FOCAD: variants seen among roughly 807,000 people sequenced by gnomAD.
FOCAD encodes KIAA1797.
Under a neutral mutation model 225.6 loss-of-function variants are expected in FOCAD, and 198 were observed. The ratio of observed to expected loss-of-function variants is 0.88; its 90% CI spans 0.78 to 0.99. The LOEUF (loss-of-function observed/expected upper bound fraction) is 0.99. Among genes scored for constraint, FOCAD ranks in the 50% least tolerant of loss-of-function variants. FOCAD has a pLI of 0.00. For missense variants in FOCAD, 2,713 were observed against 2,123.6 expected (o/e 1.28, Z -5.46); for synonymous variants, 897 against 755.0 (o/e 1.19, Z -3.08).
At chr9:20,916,398 C>T (rs1055043577) in intron 23 of FOCAD, among the ~76,000 whole-genome samples, 1 of 152,144 alleles carries the variant, frequency 6.6e-6, no homozygotes, top group Admixed American at 6.5e-5. Flanking sequence ...TCTATAAACA[C>T]ATAGCGACTA....
upstream of FOCAD, among the ~76,000 whole-genome samples, chr9:20,681,581 T>A (rs1822398629): frequency 6.6e-6 from 1 of 152,226 alleles, no homozygotes; most frequent in African/African-American, 2.4e-5. Context: ...TCCTTTCTAG[T>A]TCTAAAAGCC....
chr9:20,893,181 A>G (rs1831776232), intron 21 of FOCAD, among the ~76,000 whole-genome samples: 1 of 152,112 alleles, frequency 6.6e-6, no homozygotes, highest in Non-Finnish European at 1.5e-5. Flanking sequence ...ATGTGCCACC[A>G]TGCCCAGCAG....
intron 21 of FOCAD, among the ~76,000 whole-genome samples, chr9:20,895,699 A>C (rs1832020872): frequency 6.6e-6 from 1 of 151,866 alleles, no homozygotes; most frequent in South Asian, 2.1e-4. Flanking sequence ...ATAGGAAAGC[A>C]ATTGATTTTT....
intron 11 of FOCAD, among the ~76,000 whole-genome samples, chr9:20,817,662 T>C (rs1168991482): frequency 6.6e-6 from 1 of 151,910 alleles, no homozygotes; most frequent in Non-Finnish European, 1.5e-5. Context: ...TTTGTGGCTT[T>C]TTTTTCTCTT....
chr9:20,791,240 C>CACAG (rs1347022187), intron 11 of FOCAD, among the ~76,000 whole-genome samples: 1 of 148,118 alleles, frequency 6.8e-6, no homozygotes, highest in African/African-American at 2.6e-5. Flanking sequence ...CACACACTCA[C>CACAG]ACACACACAC....
intron 35 of FOCAD, among the ~76,000 whole-genome samples, chr9:20,972,252 A>AGGGTTCCATTATTT (rs1839831634): frequency 6.6e-6 from 1 of 152,156 alleles, no homozygotes. Context: ...AGTGTACATT[A>AGGGTTCCATTATTT]GGGTTCCATT....
intron 7 of FOCAD, among the ~76,000 whole-genome samples, chr9:20,768,878 G>T (rs1430990711): frequency 2.6e-5 from 4 of 152,000 alleles, no homozygotes; most frequent in Non-Finnish European, 5.9e-5. Flanking sequence ...AAGACAGAAT[G>T]TTACTTCAAA....
intron 2 of FOCAD, among the ~76,000 whole-genome samples, chr9:20,662,155 C>T (rs985205959): frequency 1.3e-5 from 2 of 151,810 alleles, no homozygotes; most frequent in Non-Finnish European, 2.9e-5. Context: ...TTAAATGTGG[C>T]TGTGTTGCTA....
chr9:20,666,004 C>G (rs924905687), intron 2 of FOCAD, among the ~76,000 whole-genome samples: 1 of 152,110 alleles, frequency 6.6e-6, no homozygotes, highest in African/African-American at 2.4e-5. Flanking sequence ...AAGTGATTCT[C>G]CTGCCTCAGC....
chr9:20,957,368 T>C (rs1838255411), intron 35 of FOCAD: 1 of 152,198 alleles, frequency 6.6e-6, no homozygotes, highest in Non-Finnish European at 1.5e-5. Context: ...ATAATGATCA[T>C]TTTTAAATGA....
chr9:20,924,361 G>A (rs570690058), intron 25 of FOCAD, among the ~76,000 whole-genome samples: 1 of 152,020 alleles, frequency 6.6e-6, no homozygotes. Context: ...AAAAATATAG[G>A]CTTTGGAATA....
rs1247636231 is a variant in FOCAD at position 20,981,788 on chromosome 9, G to GAA, written c.4638+103_4638+104dup. On this transcript the variant is annotated intron_variant, in intron 38 of 43. Coordinates refer to ENST00000338382, the MANE Select transcript of FOCAD (RefSeq NM_001375567.1). ...GTGTATGTTTTAAGAATGTGGGTGG[G>GAA]AAGGCTAGCAAGAAATAACCACATT... is the stretch of plus-strand genomic sequence containing the variant. 6 of 1,289,306 alleles carry GAA rather than the reference G, an allele frequency of 4.7e-6. No homozygotes were observed. The African/African-American group carries it at 8.9e-5, about 19-fold the overall frequency. 79.9% of individuals were successfully genotyped at this position (1,289,306 alleles called of 1,614,324 possible).
chr9:20,774,709 C>G (rs1017367070), intron 8 of FOCAD, among the ~76,000 whole-genome samples: 1 of 152,090 alleles, frequency 6.6e-6, no homozygotes, highest in African/African-American at 2.4e-5. Flanking sequence ...GCTCTTGAAT[C>G]TAATTTTTAA....
chr9:20,981,401 T>A, intron 37 of FOCAD, 25 bp from the exon 38 acceptor site: 5 of 1,610,632 alleles, frequency 3.1e-6, no homozygotes, highest in Non-Finnish European at 4.2e-6. Flanking sequence ...CTATTTACAT[T>A]CAACCCCTTC....
intron 8 of FOCAD, among the ~76,000 whole-genome samples, chr9:20,776,274 G>C (rs1021755531): frequency 6.6e-6 from 1 of 152,162 alleles, no homozygotes; most frequent in African/African-American, 2.4e-5. Context: ...TCTAGAGTGC[G>C]CTATTCTGGG....
At chr9:20,946,528 T>A (rs1207957864) in intron 29 of FOCAD, among the ~76,000 whole-genome samples, 173 bp from the exon 30 acceptor site, 3 of 152,216 alleles carry the variant, frequency 2.0e-5, no homozygotes, top group Non-Finnish European at 4.4e-5. Context: ...ATGACAGTGT[T>A]ATGAAATATT....
At chr9:20,725,791 G>T (rs1213670091) in intron 4 of FOCAD, among the ~76,000 whole-genome samples, 7 of 152,186 alleles carry the variant, frequency 4.6e-5, no homozygotes, top group Non-Finnish European at 1.0e-4. Context: ...TCAGGGAGTG[G>T]CTGGGAAAGG....
intron 21 of FOCAD, among the ~76,000 whole-genome samples, chr9:20,892,121 G>GA (rs1250257222): frequency 3.3e-5 from 5 of 151,154 alleles, no homozygotes; most frequent in East Asian, 3.9e-4. Flanking sequence ...CTACTGCTTA[G>GA]AAAAAAAAAG....
rs193177577 is a variant in FOCAD, at chr9:20,706,389, G to C, written c.-32-8933G>C. ...GAGAAGGAACTAAATTGTAAAGGCA[G>C]GAATTTGATAGAATTCATTGTACTT... On this transcript the variant is annotated intron_variant, in intron 1 of 43. Transcript: ENST00000338382. Among the ~76,000 whole-genome samples the C allele has an allele frequency of 2.2e-3, 336 of 152,284 alleles. 1 individual carries two copies. The highest frequency in any genetic ancestry group is 7.6e-3 in the African/African-American group (317 of 41,542).
Sources: allele counts gnomAD v4.1 joint callset (sites outside exome capture counted in the v4.1 genomes callset), GRCh38; gene constraint gnomAD v4.1.1; transcripts MANE v1.5; gene names NCBI Gene and HGNC (gene_info 2026-07-23, HGNC 2026-07-21).